Variants in FA2H observed in about 807,000 individuals in gnomAD.
The protein encoded by FA2H is fatty acid alpha-hydroxylase.
A neutral mutation model predicts 44.9 loss-of-function variants in FA2H; 22 were observed. The observed-to-expected ratio is 0.49, with a 90% confidence interval of 0.35 to 0.70. The LOEUF is 0.70. Ranked by LOEUF, FA2H falls within the 30% of genes least tolerant of loss-of-function variation. FA2H has a pLI of 0.01. For missense variants in FA2H, 501 were observed against 504.9 expected (o/e 0.99, Z 0.07); for synonymous variants, 243 against 213.2 (o/e 1.14, Z -1.22).
At chr16:74,761,790 GA>G (rs548862043) in intron 1 of FA2H, among the ~76,000 whole-genome samples, 17 of 151,888 alleles carry the variant, frequency 1.1e-4, no homozygotes, top group Non-Finnish European at 2.2e-4. Flanking sequence ...CATCCATGCA[GA>G]AAAAAAATAG....
At chr16:74,717,511 T>G (rs1961733627) in intron 5 of FA2H, among the ~76,000 whole-genome samples, 1 of 152,210 alleles carries the variant, frequency 6.6e-6, no homozygotes, top group Admixed American at 6.5e-5. Context: ...GTGTGAAAAC[T>G]GCCCTGGCGC....
chr16:74,763,787 T>C (rs1027171906), intron 1 of FA2H, among the ~76,000 whole-genome samples: 8 of 152,248 alleles, frequency 5.3e-5, no homozygotes, highest in African/African-American at 1.9e-4. Context: ...CATGGTTCAC[T>C]CTAAGTATAT....
At chr16:74,744,106 C>A (rs1962367807) in intron 1 of FA2H, among the ~76,000 whole-genome samples, 1 of 152,124 alleles carries the variant, frequency 6.6e-6, no homozygotes, top group Admixed American at 6.6e-5. Context: ...AGCAGCTGTG[C>A]CGCACGCATG....
intron 4 of FA2H, 169 bp downstream of exon 4, chr16:74,726,056 G>A: frequency 1.6e-6 from 1 of 623,292 alleles, no homozygotes; most frequent in Middle Eastern, 4.2e-4. Context: ...GTAGATGGGA[G>A]TCAGACAAAA....
chr16:74,721,868 T>C (rs1445010508), intron 4 of FA2H, among the ~76,000 whole-genome samples: 1 of 152,198 alleles, frequency 6.6e-6, no homozygotes, highest in African/African-American at 2.4e-5. Context: ...AGGGAAGAGG[T>C]GTGCACCGGC....
intron 1 of FA2H, among the ~76,000 whole-genome samples, chr16:74,773,623 G>C (rs1379405074): frequency 6.6e-6 from 1 of 152,168 alleles, no homozygotes; most frequent in Non-Finnish European, 1.5e-5. Context: ...ATTGATTTTG[G>C]AGTCAGATAC....
Position 74,731,829 on chromosome 16 carries a change from C to A in FA2H, c.364-4443G>T, listed in dbSNP as rs573137719. Among the ~76,000 whole-genome samples, 12 of 152,212 alleles carry A rather than the reference C, an allele frequency of 7.9e-5. No homozygotes were observed. In the East Asian group the frequency reaches 2.3e-3, roughly 29 times the overall value. ...AGTTGTTGCTGTAAAGATAATAATA[C>A]ACATCTGTAGCTTACGACCATCTCT... On this transcript the variant is annotated intron_variant, in intron 2 of 6. Coordinates refer to ENST00000219368, the MANE Select transcript of FA2H (RefSeq NM_024306.5).
chr16:74,769,302 G>T (rs148716646), intron 1 of FA2H, among the ~76,000 whole-genome samples: 1 of 152,090 alleles, frequency 6.6e-6, no homozygotes, highest in African/African-American at 2.4e-5. Flanking sequence ...TCACCATGTT[G>T]CCCAGGCTGG....
intron 4 of FA2H, among the ~76,000 whole-genome samples, chr16:74,722,170 T>C (rs1334456714): frequency 6.6e-6 from 1 of 151,966 alleles, no homozygotes; most frequent in Non-Finnish European, 1.5e-5. Flanking sequence ...TCCTGGCTCT[T>C]CTGCTCATCT....
intron 1 of FA2H, among the ~76,000 whole-genome samples, 153 bp from the exon 2 acceptor site, chr16:74,740,268 C>T (rs957401208): frequency 1.3e-5 from 2 of 152,070 alleles, no homozygotes; most frequent in African/African-American, 4.8e-5. Context: ...CTTTGGAAAA[C>T]AGAGAGACCC....
intron 5 of FA2H, among the ~76,000 whole-genome samples, chr16:74,718,306 G>A (rs376224461): frequency 1.3e-3 from 201 of 152,256 alleles, no homozygotes; most frequent in Middle Eastern, 3.4e-3. Flanking sequence ...GTGTGGAGAC[G>A]GGCTGGGGAA....
rs192241539 is a variant in FA2H, at chr16:74,769,008, G to A, written c.270+5478C>T. Among the ~76,000 whole-genome samples the A allele has an allele frequency of 2.2e-3, 340 of 152,260 alleles. 6 individuals carry two copies. Among genetic ancestry groups the A allele is most frequent in the Admixed American group, 0.019 (292 of 15,286 alleles). The stretch of plus-strand genomic sequence containing the variant: ...GTAGGACCTCTCCAGGATTGGTGGG[G>A]CATGGGGGAGTATGAGCCACCCTCT... On this transcript the variant is annotated intron_variant, in intron 1 of 6. Transcript: ENST00000219368.
chr16:74,722,364 C>T (rs373274121), intron 4 of FA2H, among the ~76,000 whole-genome samples: 16 of 151,774 alleles, frequency 1.1e-4, no homozygotes, highest in Admixed American at 2.0e-4. Context: ...AGTGAGACCC[C>T]GCCTCAACAA....
intron 1 of FA2H, 68 bp downstream of exon 1, chr16:74,774,418 G>C: frequency 7.0e-7 from 1 of 1,421,692 alleles, no homozygotes; most frequent in South Asian, 1.5e-5. Context: ...CAAGTGAACG[G>C]GGCTCGCCCG....
intron 5 of FA2H, among the ~76,000 whole-genome samples, chr16:74,718,186 A>G (rs1015397717): frequency 3.9e-5 from 6 of 152,200 alleles, no homozygotes; most frequent in African/African-American, 1.4e-4. Flanking sequence ...GCTGCTGGGA[A>G]ACCAAGGTGA....
chr16:74,716,563 C>T lies in FA2H; in HGVS notation c.823G>A (p.Val275Met). 5 of 1,598,358 alleles carry T rather than the reference C, an allele frequency of 3.1e-6. No homozygotes were observed. The highest frequency in any genetic ancestry group is 3.4e-6 in the Non-Finnish European group (4 of 1,172,712). The change falls in exon 6 of 7, where the codon GTG (valine) becomes ATG (methionine). Residue 275 changes from valine (V) to methionine (M), a missense_variant. Physicochemically the swap from Val to Met is conservative, Grantham distance 21 (BLOSUM62 1). Coordinates refer to ENST00000219368, the MANE Select transcript of FA2H (RefSeq NM_024306.5). ...ACGCCGATCACCAGGGAGGCTGGCA[C>T]AGGGGGGAAGACCAGGCGGGAGCCG... is the stretch of plus-strand genomic sequence containing the variant. ...FDGSRLVFPP[V>M]PASLVIGVFY...
At chr16:74,761,511 T>TATATA (rs1962710505) in intron 1 of FA2H, among the ~76,000 whole-genome samples, 1 of 151,974 alleles carries the variant, frequency 6.6e-6, no homozygotes, top group Non-Finnish European at 1.5e-5. Flanking sequence ...CTATATACAC[T>TATATA]TAAGGTGTGT....
rs115815838 is a variant in FA2H, at chr16:74,755,121, G to A, written c.271-15006C>T. On this transcript the variant is annotated intron_variant, in intron 1 of 6. Coordinates refer to ENST00000219368, the MANE Select transcript of FA2H (RefSeq NM_024306.5). ...CAACCCTGTTGAAATCTTGATGTCC[G>A]CTGTCCAGCCTCTAGAAGTGTGAGA... Among the ~76,000 whole-genome samples the A allele has an allele frequency of 4.7e-3, 713 of 151,480 alleles. 3 individuals are homozygous for A. The highest frequency in any genetic ancestry group is 0.016 in the African/African-American group (662 of 41,298).
intron 1 of FA2H, among the ~76,000 whole-genome samples, chr16:74,740,419 C>G (rs1279794245): frequency 6.6e-6 from 1 of 151,966 alleles, no homozygotes; most frequent in African/African-American, 2.4e-5. Context: ...GAGTTTGAGA[C>G]CAGCCTGGCC....
Sources: gnomAD v4.1 joint callset for allele counts (sites outside exome capture counted in the v4.1 genomes callset) on GRCh38, gnomAD v4.1.1 for gene constraint, MANE v1.5 for transcripts, NCBI Gene and HGNC (gene_info 2026-07-23, HGNC 2026-07-21) for gene names.